FAM13B: variants seen among roughly 807,000 people sequenced by gnomAD.
FAM13B encodes the protein protein FAM13B.
Under a neutral mutation model 117.3 loss-of-function variants are expected in FAM13B, and 60 were observed. The observed-to-expected ratio is 0.51, with a 90% confidence interval of 0.42 to 0.63. The LOEUF (loss-of-function observed/expected upper bound fraction) is 0.63, where lower values mean the gene tolerates loss of function less well. Among genes scored for constraint, FAM13B ranks in the 30% least tolerant of loss-of-function variants. The probability of loss-of-function intolerance (pLI) is 0.00; values close to 1 mark genes in which losing one functional copy is unlikely to be tolerated. For missense variants in FAM13B, 972 were observed against 1,091.9 expected (o/e 0.89, Z 1.55); for synonymous variants, 332 against 356.1 (o/e 0.93, Z 0.76).
At chr5:137,965,037 C>T (rs1769268987) in intron 10 of FAM13B, among the ~76,000 whole-genome samples, 1 of 152,094 alleles carries the variant, frequency 6.6e-6, no homozygotes, top group South Asian at 2.1e-4. Flanking sequence ...CAGTAGTGTG[C>T]GCCTGTAATC....
At chr5:138,003,548 A>G (rs574833856) in intron 7 of FAM13B, among the ~76,000 whole-genome samples, 1 of 152,342 alleles carries the variant, frequency 6.6e-6, no homozygotes, top group East Asian at 1.9e-4. Context: ...AATGGTAGAC[A>G]TATCTGTTTC....
rs1395194116 is a variant in FAM13B, at chr5:137,954,325, GCTT to G, written c.1556_1558del (p.Glu519del). On this transcript the variant is annotated inframe_deletion, in exon 15 of 24. Coordinates refer to ENST00000689681, the MANE Select transcript of FAM13B (RefSeq NM_001385994.1). The stretch of plus-strand genomic sequence containing the variant: ...TCTTCCAGCTTGTGGAGACAGCTGA[GCTT>G]CTCCAGACTCAGAGTCCTCCTGCCA... 6.2e-7 allele frequency: 1 copy of G among 1,613,956 alleles called. No homozygotes were observed. The highest frequency in any genetic ancestry group is 8.5e-7 in the Non-Finnish European group (1 of 1,179,976).
At chr5:138,023,263 T>G (rs1364272223) in intron 1 of FAM13B, among the ~76,000 whole-genome samples, 1 of 152,220 alleles carries the variant, frequency 6.6e-6, no homozygotes, top group Non-Finnish European at 1.5e-5. Context: ...GGCATCAACC[T>G]TTCTGACGAC....
At position 137,951,209 on chromosome 5, in the gene FAM13B, CAAAAAAAAAAAA is replaced by C. The variant is rs1158310740; in HGVS notation, c.1930+1407_1930+1418del. 1.6e-4 allele frequency among the ~76,000 whole-genome samples: 10 copies of C among 63,240 alleles called. No individual in the cohort carries two copies. In the East Asian group the frequency reaches 2.2e-3, roughly 14 times the overall value. 41.5% of individuals were successfully genotyped at this position (63,240 alleles called of 152,430 possible). A position where few individuals can be genotyped will look rare whatever the true frequency, so the allele number is the denominator to read the frequency against. ...CAACAGAGTAAAACCCTGTCTCAAA[CAAAAAAAAAAAA>C]AAAAAAAAAAAAGGAGAGAGAGAGA... On this transcript the variant is annotated intron_variant, in intron 17 of 23. Coordinates refer to ENST00000689681, the MANE Select transcript of FAM13B (RefSeq NM_001385994.1).
intron 10 of FAM13B, among the ~76,000 whole-genome samples, chr5:137,967,587 G>A (rs1770449607): frequency 6.6e-6 from 1 of 152,050 alleles, no homozygotes; most frequent in South Asian, 2.1e-4. Flanking sequence ...TGTGGATGTG[G>A]ACAACTGGAA....
At position 137,939,726 on chromosome 5, in the gene FAM13B, G is replaced by A. The variant is rs187412806; in HGVS notation, c.*499C>T. 1.3e-4 allele frequency: 46 copies of A among 343,230 alleles called. No individual in the cohort carries two copies. The highest frequency in any genetic ancestry group is 8.2e-4 in the African/African-American group (37 of 45,376). 21.3% of individuals were successfully genotyped at this position (343,230 alleles called of 1,614,324 possible). On this transcript the variant is annotated 3_prime_UTR_variant, in exon 24 of 24. Coordinates refer to ENST00000689681, the MANE Select transcript of FAM13B (RefSeq NM_001385994.1). ...CGACTTGAAATCTCAGTTTGATTTT[G>A]GTTTTCTAGGAAAACAGAGAACACA... is the stretch of plus-strand genomic sequence containing the variant.
chr5:138,025,970 A>G (rs1788242390), intron 1 of FAM13B, among the ~76,000 whole-genome samples: 1 of 152,212 alleles, frequency 6.6e-6, no homozygotes, highest in Non-Finnish European at 1.5e-5. Context: ...GAATCTTTAC[A>G]CTTTAACTAT....
intron 7 of FAM13B, among the ~76,000 whole-genome samples, chr5:138,005,928 T>C (rs1782433167): frequency 6.6e-6 from 1 of 151,850 alleles, no homozygotes; most frequent in Admixed American, 6.6e-5. Flanking sequence ...AGACGGAGTT[T>C]TGCTCTGTCG....
At chr5:137,985,092 A>G (rs558595810) in intron 10 of FAM13B, among the ~76,000 whole-genome samples, 165 bp downstream of exon 10, 96 of 152,242 alleles carry the variant, frequency 6.3e-4, no homozygotes, top group African/African-American at 2.3e-3. Flanking sequence ...ATACTTCTCT[A>G]CCCAGTGATG....
chr5:138,011,216 C>G, intron 5 of FAM13B, 67 bp from the exon 6 acceptor site: 1 of 1,431,278 alleles, frequency 7.0e-7, no homozygotes, highest in East Asian at 2.4e-5. Flanking sequence ...TAGAAGACAA[C>G]CAATGAGATA....
intron 1 of FAM13B, among the ~76,000 whole-genome samples, chr5:138,048,902 A>T (rs1217917699): frequency 6.6e-6 from 1 of 151,914 alleles, no homozygotes; most frequent in African/African-American, 2.4e-5. Flanking sequence ...ACAATCTAAA[A>T]ATCAGAGAAT....
Position 137,954,192 on chromosome 5 carries a change from G to C in FAM13B, c.1692C>G (p.Ser564=). The change falls in exon 15 of 24, where the codon TCC becomes TCG. Residue 564 remains serine (S), a synonymous_variant. Transcript: ENST00000689681. ...TAGTAAAAGACAGTGCTTTAGATGA[G>C]GAATCCAACTTTTCTGGATCATGTA... is the stretch of plus-strand genomic sequence containing the variant. ...RFLHDPEKLD[S]SSKALSFTRI... is the part of the protein sequence containing the mutation. 6.2e-7 allele frequency: 1 copy of C among 1,613,878 alleles called. No individual in the cohort carries two copies. The highest frequency in any genetic ancestry group is 1.3e-5 in the African/African-American group (1 of 74,990).
intron 1 of FAM13B, among the ~76,000 whole-genome samples, chr5:138,044,247 T>C (rs892418192): frequency 6.6e-6 from 1 of 152,108 alleles, no homozygotes; most frequent in Non-Finnish European, 1.5e-5. Context: ...TATTTTAAAG[T>C]AAGCTTTTAA....
intron 4 of FAM13B, among the ~76,000 whole-genome samples, chr5:138,014,485 A>G (rs1438887867): frequency 6.6e-6 from 1 of 152,242 alleles, no homozygotes; most frequent in Non-Finnish European, 1.5e-5. Context: ...TAATGATCTG[A>G]GTTGGAACAG....
chr5:137,969,943 A>T (rs1413626366), intron 10 of FAM13B, among the ~76,000 whole-genome samples: 3 of 152,322 alleles, frequency 2.0e-5, no homozygotes, highest in East Asian at 3.9e-4. Flanking sequence ...AAAGCCTCCA[A>T]GAAATATGGG....
intron 17 of FAM13B, 143 bp downstream of exon 17, chr5:137,952,485 A>C (rs1019028079): frequency 1.0e-5 from 6 of 573,988 alleles, no homozygotes; most frequent in Non-Finnish European, 1.8e-5. Flanking sequence ...TTTGACCCTA[A>C]TAAAACAAAA....
intron 10 of FAM13B, among the ~76,000 whole-genome samples, chr5:137,972,404 T>TCCG (rs1343053747): frequency 6.6e-6 from 1 of 152,058 alleles, no homozygotes; most frequent in Non-Finnish European, 1.5e-5. Context: ...TTGACAAAAT[T>TCCG]CAACAACCTT....
Position 138,018,437 on chromosome 5 carries a change from T to C in FAM13B, c.235A>G (p.Ser79Gly), listed in dbSNP as rs1160706394. Reference sequence around the variant, plus strand: ...TTAACCAAATCCACCTCTTCTCCGCTGTCGTATCTCTGCCGAAGCCACTCC... The same window carrying C: ...TTAACCAAATCCACCTCTTCTCCGCCGTCGTATCTCTGCCGAAGCCACTCC... ...TVEWLRQRYD[S>G]GEEVDLVKEA... The change falls in exon 4 of 24, where the codon AGC becomes GGC. Residue 79 changes from serine (S) to glycine (G), a missense_variant. Transcript: ENST00000689681. 5 of 1,614,184 alleles carry C rather than the reference T, an allele frequency of 3.1e-6. No homozygotes were observed. The highest frequency in any genetic ancestry group is 4.2e-6 in the Non-Finnish European group (5 of 1,180,032).
At chr5:138,019,647 G>A (rs1463656154) in intron 2 of FAM13B, among the ~76,000 whole-genome samples, 1 of 151,770 alleles carries the variant, frequency 6.6e-6, no homozygotes, top group African/African-American at 2.4e-5. Flanking sequence ...AGATTAATGA[G>A]TTCTTATTTC....
Sources: gnomAD v4.1 joint callset for allele counts (sites outside exome capture counted in the v4.1 genomes callset) on GRCh38, gnomAD v4.1.1 for gene constraint, MANE v1.5 for transcripts, NCBI Gene and HGNC (gene_info 2026-07-23, HGNC 2026-07-21) for gene names.